CPEB3: variants seen among roughly 807,000 people sequenced by gnomAD.
The protein encoded by CPEB3 is cytoplasmic polyadenylation element binding protein 3, also known as cytoplasmic polyadenylation element-binding protein 3.
Under a neutral mutation model 67.2 loss-of-function variants are expected in CPEB3, and 20 were observed. The ratio of observed to expected loss-of-function variants is 0.30; its 90% confidence interval spans 0.21 to 0.43. The LOEUF is 0.43. CPEB3 is among the 20% of genes least tolerant of loss of function. The pLI, the probability that CPEB3 is intolerant of heterozygous loss-of-function variation, is 1.00. For missense variants in CPEB3, 746 were observed against 968.6 expected, an observed-to-expected ratio of 0.77 and a Z score of 3.05; for synonymous variants, 376 against 393.1, an observed-to-expected ratio of 0.96 and a Z score of 0.51.
chr10:92,279,342 C>CA (rs1173446055), intron 1 of CPEB3, among the ~76,000 whole-genome samples: 1 of 152,164 alleles, frequency 6.6e-6, no homozygotes, highest in African/African-American at 2.4e-5. Context: ...GACACGTTCC[C>CA]AAAATGTTGC....
chr10:92,239,286 G>C lies in CPEB3; in HGVS notation c.1005+60C>G. 1 of 1,540,110 alleles carries C rather than the reference G, an allele frequency of 6.5e-7. No individual in the cohort carries two copies. The highest frequency in any genetic ancestry group is 8.8e-7 in the Non-Finnish European group (1 of 1,134,826). On this transcript the variant is annotated intron_variant, in intron 2 of 9. Coordinates refer to ENST00000265997, the MANE Select transcript of CPEB3 (RefSeq NM_014912.5). This position sits in a 1 kb window ranked among gnomAD's most constrained non-coding sequence, Gnocchi z 6.0. ...TAAGCGGGTGGATGATTAAAAGTCA[G>C]AGAAGTGGCAAAAGGAGCGGGGCAG...
At chr10:92,118,765 G>C (rs1385486037) in intron 6 of CPEB3, 4 of 755,292 alleles carry the variant, frequency 5.3e-6, no homozygotes, top group Non-Finnish European at 9.8e-6. Flanking sequence ...GCAAACAAGA[G>C]ATGGAGCGGT....
At chr10:92,158,973 T>C (rs904147824) in intron 4 of CPEB3, among the ~76,000 whole-genome samples, 5 of 152,182 alleles carry the variant, frequency 3.3e-5, no homozygotes, top group African/African-American at 1.2e-4. Context: ...TTCTTAAAAG[T>C]GTAACAGGCT....
chr10:92,265,619 G>A (rs964006279), intron 1 of CPEB3, among the ~76,000 whole-genome samples: 5 of 151,498 alleles, frequency 3.3e-5, no homozygotes, highest in Non-Finnish European at 5.9e-5. Context: ...GCCAGGCATA[G>A]TGACCTGTAA....
intron 1 of CPEB3, among the ~76,000 whole-genome samples, chr10:92,253,481 AAAAG>A (rs1554935024): frequency 7.6e-5 from 11 of 144,824 alleles, no homozygotes; most frequent in South Asian, 2.1e-4. Context: ...AAAAAAAAAA[AAAAG>A]AAAAGAAAGA....
At position 92,239,388 on chromosome 10, in the gene CPEB3, G is replaced by C; in HGVS notation, c.963C>G (p.Asn321Lys). ...PLTSKSWMED[N>K]AFRTDNGNNL... is the part of the protein sequence containing the mutation. ...TGTTACCATTATCGGTCCGGAAAGC[G>C]TTATCCTCCATCCAGGACTTGGAAG... Residue 321 changes from asparagine (N) to lysine (K), a missense_variant, in exon 2 of 10, where the codon AAC (asparagine) becomes AAG (lysine). This residue lies in a region of CPEB3 where 643 missense variants were observed against 717.5 expected (regional missense o/e 0.90). Transcript: ENST00000265997. The surrounding 1 kb of genome is among the most constrained non-coding windows in gnomAD (Gnocchi z 6.0). The C allele has an allele frequency of 1.9e-6, 3 of 1,606,308 alleles. No homozygotes were observed. Among genetic ancestry groups the C allele is most frequent in the Non-Finnish European group, 2.6e-6 (3 of 1,176,470 alleles).
At chr10:92,262,202 A>C (rs998101951) in intron 1 of CPEB3, among the ~76,000 whole-genome samples, 1 of 152,214 alleles carries the variant, frequency 6.6e-6, no homozygotes, top group South Asian at 2.1e-4. Flanking sequence ...TGCTGCTAAC[A>C]GATCACGATA....
chr10:92,225,163 T>C (rs1246766562), intron 2 of CPEB3, among the ~76,000 whole-genome samples: 1 of 151,840 alleles, frequency 6.6e-6, no homozygotes, highest in Non-Finnish European at 1.5e-5. Context: ...TTAGTAGAGA[T>C]GGGGTTGCAC....
chr10:92,276,155 C>A (rs1034587287), intron 1 of CPEB3, among the ~76,000 whole-genome samples: 1 of 151,750 alleles, frequency 6.6e-6, no homozygotes, highest in African/African-American at 2.4e-5. Context: ...GCATTTCATT[C>A]TTTTTCATTA....
At chr10:92,260,526 G>A (rs1423217697) in intron 1 of CPEB3, among the ~76,000 whole-genome samples, 5 of 150,010 alleles carry the variant, frequency 3.3e-5, no homozygotes, top group Admixed American at 2.0e-4. Flanking sequence ...ACTCCAGCCT[G>A]GGCAACAAGA....
At chr10:92,137,733 T>C in intron 6 of CPEB3, 1 of 378,882 alleles carries the variant, frequency 2.6e-6, no homozygotes, top group Non-Finnish European at 4.8e-6. Context: ...GTGCAGTGGC[T>C]CACGCCTGTA....
intron 7 of CPEB3, among the ~76,000 whole-genome samples, chr10:92,110,544 G>C (rs575285636): frequency 3.9e-5 from 6 of 152,234 alleles, no homozygotes; most frequent in African/African-American, 7.2e-5. Flanking sequence ...CACAAACTCT[G>C]TATTATGGTT....
At chr10:92,075,984 A>C (rs1386504363) in intron 9 of CPEB3, among the ~76,000 whole-genome samples, 1 of 152,236 alleles carries the variant, frequency 6.6e-6, no homozygotes, top group Non-Finnish European at 1.5e-5. Context: ...GACACACCTC[A>C]TATGGCCCTA....
intron 1 of CPEB3, among the ~76,000 whole-genome samples, chr10:92,245,457 C>G (rs1200501141): frequency 6.6e-6 from 1 of 152,008 alleles, no homozygotes; most frequent in Admixed American, 6.6e-5. Context: ...TTTTGACCCC[C>G]TAAGATTCTA....
chr10:92,053,355 T>C (rs1400664781), intron 9 of CPEB3, among the ~76,000 whole-genome samples: 1 of 138,074 alleles, frequency 7.2e-6, no homozygotes, highest in Admixed American at 7.4e-5. Flanking sequence ...ATTAACTTTA[T>C]CATTTTTTTT....
intron 9 of CPEB3, among the ~76,000 whole-genome samples, chr10:92,071,026 G>A (rs937870224): frequency 1.3e-5 from 2 of 150,620 alleles, no homozygotes; most frequent in Non-Finnish European, 3.0e-5. Flanking sequence ...CAGTGCTATC[G>A]TATATTGACA....
At chr10:92,147,972 G>A (rs1012900301) in intron 4 of CPEB3, among the ~76,000 whole-genome samples, 2 of 151,994 alleles carry the variant, frequency 1.3e-5, no homozygotes, top group African/African-American at 2.4e-5. Flanking sequence ...TATACTCCAC[G>A]TCAAATCCAT....
chr10:92,080,195 A>C (rs7916626), intron 9 of CPEB3, among the ~76,000 whole-genome samples: 40,136 of 149,194 alleles, frequency 0.27, 5,488 homozygotes, highest in Middle Eastern at 0.32. Context: ...TGACTGAGCA[A>C]GACTCCGTCT....
chr10:92,195,692 C>G (rs1315785828), intron 2 of CPEB3, among the ~76,000 whole-genome samples: 1 of 152,130 alleles, frequency 6.6e-6, no homozygotes, highest in Non-Finnish European at 1.5e-5. Context: ...TAAGAAAACG[C>G]TATTTGAAGG....
Sources: gnomAD v4.1 joint callset for allele counts (sites outside exome capture counted in the v4.1 genomes callset) on GRCh38, gnomAD v4.1.1 for gene constraint, gnomAD v4.1.1 regional missense constraint, Gnocchi (gnomAD v3.1) non-coding constraint, MANE v1.5 for transcripts, NCBI Gene and HGNC (gene_info 2026-07-23, HGNC 2026-07-21) for gene names.